The following USP32 variants were observed in gnomAD, a reference collection of about 807,000 sequenced individuals.
The protein encoded by USP32 is ubiquitin carboxyl-terminal hydrolase 32.
A neutral mutation model predicts 204.8 loss-of-function variants in USP32; 59 were observed. The observed-to-expected ratio is 0.29, with a 90% CI of 0.23 to 0.36. The LOEUF is 0.36. USP32 is among the 10% of genes least tolerant of loss of function. USP32 has a pLI of 1.00. For synonymous variants in USP32, 517 were observed against 678.4 expected, an observed-to-expected ratio of 0.76 and a Z score of 3.70; for missense variants, 1,160 against 1,946.4, an observed-to-expected ratio of 0.60 and a Z score of 7.60.
intron 1 of USP32, among the ~76,000 whole-genome samples, chr17:60,350,015 G>T (rs1190685185): frequency 2.1e-5 from 3 of 144,152 alleles, no homozygotes; most frequent in African/African-American, 5.0e-5. Context: ...GTTGGTTTTT[G>T]TTTTTTTTTT....
At chr17:60,276,569 ACT>A (rs1425781002) in intron 5 of USP32, among the ~76,000 whole-genome samples, 2 of 152,182 alleles carry the variant, frequency 1.3e-5, no homozygotes, top group African/African-American at 4.8e-5. Context: ...GACGATAGAA[ACT>A]GTTCTTATTT....
chr17:60,321,790 T>G (rs938804895), intron 2 of USP32, among the ~76,000 whole-genome samples: 2 of 152,084 alleles, frequency 1.3e-5, no homozygotes, highest in Non-Finnish European at 2.9e-5. Flanking sequence ...GACAAGCTTC[T>G]CTTTTAACAG....
chr17:60,218,277 A>G (rs1236314729), intron 16 of USP32, among the ~76,000 whole-genome samples: 1 of 152,058 alleles, frequency 6.6e-6, no homozygotes, highest in Non-Finnish European at 1.5e-5. Context: ...CCAGCTACTC[A>G]GGAGGCTGAG....
chr17:60,279,181 A>G (rs148961936), intron 5 of USP32, among the ~76,000 whole-genome samples: 2 of 152,358 alleles, frequency 1.3e-5, no homozygotes, highest in East Asian at 3.9e-4. Context: ...CCTTTAGTAC[A>G]AACGGCTTTA....
chr17:60,358,782 G>A (rs186347644), intron 1 of USP32, among the ~76,000 whole-genome samples: 80 of 152,222 alleles, frequency 5.3e-4, no homozygotes, highest in Non-Finnish European at 1.1e-3. Context: ...ACGGTGCTTC[G>A]CAAGGTTTTG....
intron 2 of USP32, among the ~76,000 whole-genome samples, chr17:60,334,206 TGCAGTTATGGTTTA>T: frequency 6.6e-6 from 1 of 152,244 alleles, no homozygotes; most frequent in African/African-American, 2.4e-5. Context: ...GTTAATTTTA[TGCAGTTATGGTTTA>T]ATATTGCATT....
chr17:60,307,348 G>C (rs1411059479), intron 2 of USP32, among the ~76,000 whole-genome samples: 1 of 152,114 alleles, frequency 6.6e-6, no homozygotes, highest in East Asian at 1.9e-4. Context: ...TGATCTGCCT[G>C]CCTTGGTCTC....
intron 16 of USP32, among the ~76,000 whole-genome samples, chr17:60,217,894 G>A (rs2085145994): frequency 6.6e-6 from 1 of 151,216 alleles, no homozygotes; most frequent in African/African-American, 2.4e-5. Flanking sequence ...ACACCACTTT[G>A]CCCAGCTAAT....
chr17:60,231,377 C>G (rs2085543723), intron 12 of USP32: 1 of 284,868 alleles, frequency 3.5e-6, no homozygotes, highest in Non-Finnish European at 7.4e-6. Flanking sequence ...GGACACTGAG[C>G]TCTAGAGTGC....
At chr17:60,287,832 G>C (rs2087156755) in intron 5 of USP32, among the ~76,000 whole-genome samples, 2 of 152,076 alleles carry the variant, frequency 1.3e-5, no homozygotes, top group Admixed American at 1.3e-4. Context: ...AAATTTCTCA[G>C]GCCGGGCATG....
chr17:60,219,992 A>G (rs1236768933), intron 15 of USP32, among the ~76,000 whole-genome samples: 1 of 151,540 alleles, frequency 6.6e-6, no homozygotes, highest in Admixed American at 6.6e-5. Flanking sequence ...TCCTAAGATT[A>G]TAACTCCTTG....
chr17:60,233,251 A>C (rs958193741), intron 12 of USP32, among the ~76,000 whole-genome samples: 1 of 152,202 alleles, frequency 6.6e-6, no homozygotes, highest in African/African-American at 2.4e-5. Flanking sequence ...GAATCGCTTG[A>C]GCCCAGGAGT....
In USP32 at chr17:60,319,803, A is replaced by G. The variant is rs533010451; in HGVS notation, c.187-18099T>C. On this transcript the variant is annotated intron_variant, in intron 2 of 33. Coordinates refer to ENST00000300896, the MANE Select transcript of USP32 (RefSeq NM_032582.4). ...TCAAAAATAAAAATAAAAATAATAC[A>G]AAATTTAAAAATACACTATAACAAC... 9.8e-5 allele frequency among the ~76,000 whole-genome samples: 15 copies of G among 152,292 alleles called. No homozygotes were observed. The South Asian group carries it at 3.1e-3, about 32-fold the overall frequency.
intron 2 of USP32, among the ~76,000 whole-genome samples, chr17:60,328,025 G>C (rs780955837): frequency 6.6e-6 from 1 of 152,220 alleles, no homozygotes; most frequent in African/African-American, 2.4e-5. Flanking sequence ...CATGGATGGC[G>C]GCAGGCAGCA....
rs568258108 is a variant in USP32, at chr17:60,205,795, T to C, written c.3038-137A>G. The C allele has an allele frequency of 3.7e-5, 43 of 1,153,252 alleles. No homozygotes were observed. In the African/African-American group the frequency reaches 6.6e-4, roughly 18 times the overall value. The allele number at this position is 1,153,252 out of a possible 1,614,324, so 71.4% of individuals were successfully genotyped here. ...GGAGAAATCACAGTATAAATAATTC[T>C]AGATTTATTGGAAGATTTTAATTTT... On this transcript the variant is annotated intron_variant, in intron 25 of 33. Coordinates refer to ENST00000300896, the MANE Select transcript of USP32 (RefSeq NM_032582.4).
chr17:60,266,173 T>A, intron 7 of USP32, 82 bp from the exon 8 acceptor site: 1 of 1,050,978 alleles, frequency 9.5e-7, no homozygotes, highest in East Asian at 2.4e-5. Context: ...TGCCCTTGTA[T>A]AATTACTTAG....
chr17:60,387,951 T>C (rs2089759311), intron 1 of USP32, among the ~76,000 whole-genome samples: 1 of 152,142 alleles, frequency 6.6e-6, no homozygotes, highest in Non-Finnish European at 1.5e-5. Flanking sequence ...TTCTGCACCA[T>C]CGTAAAGTTA....
intron 13 of USP32, 121 bp downstream of exon 13, chr17:60,225,918 C>A: frequency 9.2e-7 from 1 of 1,090,036 alleles, no homozygotes; most frequent in Non-Finnish European, 1.3e-6. Context: ...CGCGCCACTG[C>A]GCTCCAGCCT....
In USP32 at chr17:60,392,002, TCTC is replaced by T. The variant is rs2089846621; in HGVS notation, c.-66_-64del. On this transcript the variant is annotated 5_prime_UTR_variant, in exon 1 of 34. Coordinates refer to ENST00000300896, the MANE Select transcript of USP32 (RefSeq NM_032582.4). ...TCTCGCCCCCACCCCCCTCCCGCCT[TCTC>T]CTCGGCGTCCCTGGGTGACGGTGAC... 3 of 1,379,788 alleles carry T rather than the reference TCTC, an allele frequency of 2.2e-6. No homozygotes were observed. Among genetic ancestry groups the T allele is most frequent in the South Asian group, 1.3e-5 (1 of 77,672 alleles). The allele number at this position is 1,379,788 out of a possible 1,614,324, so 85.5% of individuals were successfully genotyped here. A position where few individuals can be genotyped will look rare whatever the true frequency, so the allele number is the denominator to read the frequency against.
Sources: gnomAD v4.1 joint callset for allele counts (sites outside exome capture counted in the v4.1 genomes callset) on GRCh38, gnomAD v4.1.1 for gene constraint, MANE v1.5 for transcripts, NCBI Gene and HGNC (gene_info 2026-07-23, HGNC 2026-07-21) for gene names.